Variants in UGT1A6 observed in about 807,000 individuals in gnomAD.
UGT1A6 encodes UDP glucuronosyltransferase family 1 member A6, also known as UDP-glucuronosyltransferase 1A6.
In UGT1A6, 32 loss-of-function variants were observed where a neutral mutation model predicts 44.4. The observed-to-expected ratio is 0.72, with a 90% CI of 0.54 to 0.97. UGT1A6 has a LOEUF of 0.97. Ranked by LOEUF, UGT1A6 falls within the 50% of genes least tolerant of loss-of-function variation. UGT1A6 has a pLI of 0.00. For missense variants in UGT1A6, 685 were observed against 661.9 expected, an observed-to-expected ratio of 1.03 and a Z score of -0.38; for synonymous variants, 238 against 248.5, an observed-to-expected ratio of 0.96 and a Z score of 0.40.
chr2:233,761,198 T>G (rs1477470305), intron 1 of UGT1A6: 1 of 1,614,016 alleles, frequency 6.2e-7, no homozygotes, highest in African/African-American at 1.3e-5. Context: ...CTTTCAGATG[T>G]ATTACTTTGG....
intron 1 of UGT1A6, chr2:233,717,733 A>T (rs2076602571): frequency 4.4e-6 from 2 of 456,030 alleles, no homozygotes; most frequent in Admixed American, 4.7e-5. Context: ...GACCATTGTG[A>T]GTGCTCAGGG....
At chr2:233,709,792 A>G (rs1262509274) in intron 1 of UGT1A6, among the ~76,000 whole-genome samples, 14 of 152,212 alleles carry the variant, frequency 9.2e-5, no homozygotes, top group Admixed American at 3.9e-4. Flanking sequence ...CACCGTTTTA[A>G]TGATACATTT....
intron 1 of UGT1A6, among the ~76,000 whole-genome samples, chr2:233,728,304 C>A (rs2077697138): frequency 1.3e-5 from 2 of 152,312 alleles, no homozygotes; most frequent in African/African-American, 4.8e-5. Context: ...TCAGACTGTG[C>A]AAGATCTGAG....
chr2:233,723,506 G>T (rs2077088839), intron 1 of UGT1A6, among the ~76,000 whole-genome samples: 1 of 130,702 alleles, frequency 7.7e-6, no homozygotes, highest in Non-Finnish European at 1.6e-5. Context: ...CACTGCACCT[G>T]GTCAACAATC....
At chr2:233,747,265 C>T in intron 1 of UGT1A6, 1 of 1,599,630 alleles carries the variant, frequency 6.3e-7, no homozygotes, top group Non-Finnish European at 8.5e-7. Context: ...AGGAGTGCTA[C>T]TCCTTCTCAG....
At chr2:233,757,716 G>A (rs1426066067) in intron 1 of UGT1A6, among the ~76,000 whole-genome samples, 1 of 151,612 alleles carries the variant, frequency 6.6e-6, no homozygotes, top group African/African-American at 2.4e-5. Context: ...TCCCGGGAGG[G>A]TCCTGTAGAT....
At position 233,693,745 on chromosome 2, in the gene UGT1A6, T is replaced by C. The variant is rs368550302; in HGVS notation, c.741T>C (p.Tyr247=). Residue 247 remains tyrosine, a synonymous_variant, in exon 1 of 5, where the codon TAT becomes TAC. Transcript: ENST00000305139. The stretch of plus-strand genomic sequence containing the variant: ...GAGATGTGGATATAATCACCTTATA[T>C]CAGAAGGTCTCTGTTTGGCTGTTAA... ...LKRDVDIITL[Y]QKVSVWLLRY... 4.3e-6 allele frequency: 7 copies of C among 1,614,236 alleles called. No homozygotes were observed. The South Asian group carries it at 7.7e-5, about 18-fold the overall frequency.
At chr2:233,758,212 G>A (rs377480824) in intron 1 of UGT1A6, among the ~76,000 whole-genome samples, 4 of 152,326 alleles carry the variant, frequency 2.6e-5, no homozygotes, top group African/African-American at 9.6e-5. Context: ...GTTCTCTGTT[G>A]TAATTCATGA....
chr2:233,692,948 C>T lies in UGT1A6; in HGVS notation c.-57C>T. 1 of 1,601,152 alleles carries T rather than the reference C, an allele frequency of 6.2e-7. No homozygotes were observed. The highest frequency in any genetic ancestry group is 2.2e-5 in the East Asian group (1 of 44,874). ...AGTTTAGGGAAAATACCTAGGAGCCCTGTGATTTGGAGAGTGAAAACTCTT... is the reference window on the plus strand; with the variant it reads ...AGTTTAGGGAAAATACCTAGGAGCCTTGTGATTTGGAGAGTGAAAACTCTT... On this transcript the variant is annotated 5_prime_UTR_variant, in exon 1 of 5. Coordinates refer to ENST00000305139, the MANE Select transcript of UGT1A6 (RefSeq NM_001072.4).
At chr2:233,694,556 T>C (rs975980034) in intron 1 of UGT1A6, among the ~76,000 whole-genome samples, 1 of 152,222 alleles carries the variant, frequency 6.6e-6, no homozygotes, top group African/African-American at 2.4e-5. Flanking sequence ...TAAAAATCTG[T>C]GAGTTTTAAA....
intron 1 of UGT1A6, among the ~76,000 whole-genome samples, chr2:233,731,868 C>A (rs576370414): frequency 3.2e-4 from 49 of 152,324 alleles, no homozygotes; most frequent in African/African-American, 1.1e-3. Context: ...ACACTGTCTT[C>A]CACAATGGTT....
At chr2:233,719,099 G>A (rs769526366) in intron 1 of UGT1A6, 39 of 1,614,126 alleles carry the variant, frequency 2.4e-5, no homozygotes, top group African/African-American at 2.0e-4. Flanking sequence ...ATCGCGTTAC[G>A]CTGGGCTACA....
At chr2:233,720,737 G>A (rs1402303437) in intron 1 of UGT1A6, among the ~76,000 whole-genome samples, 14 of 144,628 alleles carry the variant, frequency 9.7e-5, no homozygotes, top group African/African-American at 2.3e-4. Flanking sequence ...ACTGAGCCTC[G>A]TTCTGTCGCC....
intron 1 of UGT1A6, among the ~76,000 whole-genome samples, chr2:233,714,935 G>A (rs1484884926): frequency 2.0e-5 from 3 of 152,106 alleles, no homozygotes; most frequent in Non-Finnish European, 4.4e-5. Flanking sequence ...GGAGTGCAGT[G>A]GTGGGATCTT....
chr2:233,743,981 G>C (rs1692624812), intron 1 of UGT1A6: 1 of 1,297,770 alleles, frequency 7.7e-7, no homozygotes, highest in African/African-American at 1.5e-5. Context: ...CAGCACCCAG[G>C]CGCAGGCCCG....
At chr2:233,713,156 C>T in intron 1 of UGT1A6, 1 of 1,614,194 alleles carries the variant, frequency 6.2e-7, no homozygotes. Context: ...ATGCGAGAGG[C>T]CACCAGGTGG....
chr2:233,732,613 T>C (rs1008182580), intron 1 of UGT1A6, among the ~76,000 whole-genome samples: 11 of 152,338 alleles, frequency 7.2e-5, no homozygotes, highest in Admixed American at 4.6e-4. Context: ...ATCAAATGGT[T>C]GTAGATGTGT....
chr2:233,720,877 T>C (rs1220969089), intron 1 of UGT1A6, among the ~76,000 whole-genome samples: 1 of 150,532 alleles, frequency 6.6e-6, no homozygotes, highest in Non-Finnish European at 1.5e-5. Context: ...GGCAATTTTT[T>C]TTTTTTTTTT....
intron 1 of UGT1A6, among the ~76,000 whole-genome samples, chr2:233,744,682 A>C (rs1267258070): frequency 1.3e-5 from 2 of 151,904 alleles, no homozygotes; most frequent in African/African-American, 4.9e-5. Flanking sequence ...TCACCCATGT[A>C]GCTTCTGGAA....
Sources: allele counts gnomAD v4.1 joint callset (sites outside exome capture counted in the v4.1 genomes callset), GRCh38; gene constraint gnomAD v4.1.1; transcripts MANE v1.5; gene names NCBI Gene and HGNC (gene_info 2026-07-23, HGNC 2026-07-21).